Variants in MKX observed in about 807,000 individuals in gnomAD.
The protein encoded by MKX is homeobox protein Mohawk.
MKX carries 13 observed loss-of-function variants against 36.0 expected under a neutral mutation model. The ratio of observed to expected loss-of-function variants is 0.36; its 90% CI spans 0.24 to 0.57. The LOEUF (loss-of-function observed/expected upper bound fraction) is 0.57, where lower values mean the gene tolerates loss of function less well. MKX is among the 20% of genes least tolerant of loss of function. The pLI is 0.79. For missense variants in MKX, 458 were observed against 456.4 expected (o/e 1.00, Z -0.03); for synonymous variants, 176 against 178.3 (o/e 0.99, Z 0.10).
intron 5 of MKX, among the ~76,000 whole-genome samples, chr10:27,728,026 C>A (rs1442219971): frequency 6.6e-6 from 1 of 152,110 alleles, no homozygotes; most frequent in African/African-American, 2.4e-5. Context: ...AATTGGACAA[C>A]CTTTCAAATA....
chr10:27,697,886 T>C (rs1836583681), intron 5 of MKX, among the ~76,000 whole-genome samples: 1 of 152,128 alleles, frequency 6.6e-6, no homozygotes, highest in South Asian at 2.1e-4. Context: ...AAGAAGATGA[T>C]ACCAGTGGGG....
chr10:27,713,345 G>T (rs1005633140), intron 5 of MKX, among the ~76,000 whole-genome samples: 1 of 152,288 alleles, frequency 6.6e-6, no homozygotes, highest in African/African-American at 2.4e-5. Context: ...GGGTGGATGT[G>T]CATTTTTCTG....
chr10:27,725,326 A>T (rs1264369008), intron 5 of MKX, among the ~76,000 whole-genome samples: 1 of 152,198 alleles, frequency 6.6e-6, no homozygotes, highest in African/African-American at 2.4e-5. Context: ...AGAGAGAAAA[A>T]GTTCATTACG....
At position 27,743,339 on chromosome 10, in the gene MKX, C is replaced by CCCCGCT. The variant is rs530504550; in HGVS notation, c.71_76dup (p.Glu24_Arg25dup). On this transcript the variant is annotated inframe_insertion, in exon 2 of 7. Coordinates refer to ENST00000419761, the MANE Select transcript of MKX (RefSeq NM_173576.3). ...CAGGACACCGCTGTAGGGCCGGCCACCCCGCTCCCGCTCCGAGGCGCCTCC... is the reference window on the plus strand; with the variant it reads ...CAGGACACCGCTGTAGGGCCGGCCACCCCGCTCCCGCTCCCGCTCCGAGGCGCCTCC... 2.0e-4 allele frequency: 320 copies of CCCCGCT among 1,584,732 alleles called. 1 individual carries two copies. The South Asian group carries it at 3.4e-3, about 17-fold the overall frequency.
intron 5 of MKX, among the ~76,000 whole-genome samples, chr10:27,704,062 G>A (rs541162971): frequency 2.0e-5 from 3 of 152,192 alleles, no homozygotes; most frequent in African/African-American, 7.2e-5. Flanking sequence ...TATATAAAAA[G>A]CAGTTAGAAA....
chr10:27,712,937 T>TA (rs200813810), intron 5 of MKX, among the ~76,000 whole-genome samples: 79 of 150,668 alleles, frequency 5.2e-4, no homozygotes, highest in South Asian at 1.9e-3. Context: ...GCCCTGTCTC[T>TA]AAAAAAAAAC....
At position 27,734,051 on chromosome 10, in the gene MKX, C is replaced by T. The variant is rs141037825; in HGVS notation, c.838+405G>A. Among the ~76,000 whole-genome samples the T allele has an allele frequency of 8.5e-3, 1,293 of 152,184 alleles. 8 individuals are homozygous for T. Among genetic ancestry groups the T allele is most frequent in the Non-Finnish European group, 0.015 (1,017 of 68,000 alleles). ...ATTTGCAGGACTGGCCACAATCCGG[C>T]ACTATCCTCTATTATAAATTATTCA... On this transcript the variant is annotated intron_variant, in intron 5 of 6. Transcript: ENST00000419761.
At chr10:27,711,580 T>C (rs1191305659) in intron 5 of MKX, among the ~76,000 whole-genome samples, 4 of 149,834 alleles carry the variant, frequency 2.7e-5, no homozygotes, top group Non-Finnish European at 4.4e-5. Context: ...TTCTTTCTTT[T>C]TTTCTTTTTT....
At chr10:27,693,482 A>G (rs1023217316) in intron 5 of MKX, among the ~76,000 whole-genome samples, 2 of 152,128 alleles carry the variant, frequency 1.3e-5, no homozygotes, top group African/African-American at 4.8e-5. Flanking sequence ...CCAAACAAGA[A>G]CTGAATAATT....
intron 3 of MKX, among the ~76,000 whole-genome samples, chr10:27,736,064 A>G (rs781743758): frequency 1.3e-4 from 20 of 152,168 alleles, no homozygotes; most frequent in Admixed American, 2.6e-4. Context: ...GTAAGAAAAT[A>G]AAAGTGGTAT....
intron 5 of MKX, among the ~76,000 whole-genome samples, chr10:27,714,883 T>G (rs1836936352): frequency 6.6e-6 from 1 of 152,230 alleles, no homozygotes. Flanking sequence ...TTATTTTCTG[T>G]GGATTTACAG....
At chr10:27,716,517 TACAAGTA>T (rs1245859249) in intron 5 of MKX, among the ~76,000 whole-genome samples, 2 of 147,420 alleles carry the variant, frequency 1.4e-5, no homozygotes, top group Non-Finnish European at 3.0e-5. Flanking sequence ...TGAGATAAAA[TACAAGTA>T]ACCTTAAGGA....
rs1010304329 is a variant in MKX at position 27,680,142 on chromosome 10, T to G, written c.839-4588A>C. Among the ~76,000 whole-genome samples, 3 of 152,312 alleles carry G rather than the reference T, an allele frequency of 2.0e-5. No individual in the cohort carries two copies. In the East Asian group the frequency reaches 5.8e-4, roughly 29 times the overall value. On this transcript the variant is annotated intron_variant, in intron 5 of 6. Coordinates refer to ENST00000419761, the MANE Select transcript of MKX (RefSeq NM_173576.3). ...GACTCTTGAGAGCAGTTCATTAGCA[T>G]GCACAGACTCAGGGTCTGACTGCCC...
chr10:27,676,124 AT>A (rs1836143292), intron 5 of MKX, among the ~76,000 whole-genome samples: 1 of 152,022 alleles, frequency 6.6e-6, no homozygotes, highest in Admixed American at 6.5e-5. Flanking sequence ...AAAAATAAAA[AT>A]AGCTGGGTAT....
intron 5 of MKX, among the ~76,000 whole-genome samples, chr10:27,692,297 T>C (rs1836468591): frequency 1.3e-5 from 2 of 152,228 alleles, no homozygotes; most frequent in Non-Finnish European, 2.9e-5. Flanking sequence ...TCAGTTTACT[T>C]GCATTTCTTT....
At chr10:27,694,295 C>T (rs1235794960) in intron 5 of MKX, among the ~76,000 whole-genome samples, 1 of 152,000 alleles carries the variant, frequency 6.6e-6, no homozygotes, top group Non-Finnish European at 1.5e-5. Context: ...AGGAAGCAAA[C>T]ATGACATTTC....
At chr10:27,726,561 T>C (rs1834493130) in intron 5 of MKX, among the ~76,000 whole-genome samples, 1 of 152,192 alleles carries the variant, frequency 6.6e-6, no homozygotes, top group Non-Finnish European at 1.5e-5. Flanking sequence ...TTGGTGGATT[T>C]TTTTTAAACT....
At chr10:27,689,213 G>A (rs998074256) in intron 5 of MKX, among the ~76,000 whole-genome samples, 1 of 152,172 alleles carries the variant, frequency 6.6e-6, no homozygotes, top group Non-Finnish European at 1.5e-5. Flanking sequence ...CACAATGAGA[G>A]AGGTGACGCT....
rs1359948538 is a variant in MKX at position 27,743,352 on chromosome 10, C to T, written c.64G>A (p.Glu22Lys). 4 of 1,581,800 alleles carry T rather than the reference C, an allele frequency of 2.5e-6. No individual in the cohort carries two copies. The highest frequency in any genetic ancestry group is 1.4e-5 in the African/African-American group (1 of 72,702). Residue 22 changes from glutamate to lysine, a missense_variant, in exon 2 of 7, where the codon GAG becomes AAG. Glu to Lys is a moderately conservative substitution (Grantham distance 56). Coordinates refer to ENST00000419761, the MANE Select transcript of MKX (RefSeq NM_173576.3). ...TAGGGCCGGCCACCCCGCTCCCGCT[C>T]CGAGGCGCCTCCGTCCTCAAACAGC... ...AVLFEDGGAS[E>K]RERGGRPYSG...
Sources: gnomAD v4.1 joint callset for allele counts (sites outside exome capture counted in the v4.1 genomes callset) on GRCh38, gnomAD v4.1.1 for gene constraint, MANE v1.5 for transcripts, NCBI Gene and HGNC (gene_info 2026-07-23, HGNC 2026-07-21) for gene names.